TRPM3: variants seen among roughly 807,000 people sequenced by gnomAD.
TRPM3 encodes the protein long transient receptor potential channel 3.
TRPM3 carries 77 observed loss-of-function variants against 181.2 expected under a neutral mutation model. The observed-to-expected ratio is 0.42, with a 90% CI of 0.35 to 0.51. The LOEUF is 0.51. Among genes scored for constraint, TRPM3 ranks in the 20% least tolerant of loss-of-function variants. The pLI is 0.01. For missense variants in TRPM3, 1,759 were observed against 2,196.7 expected, an observed-to-expected ratio of 0.80 and a Z score of 3.98; for synonymous variants, 745 against 796.4, an observed-to-expected ratio of 0.94 and a Z score of 1.09.
At chr9:71,372,138 C>A (rs1279004535) in intron 1 of TRPM3, among the ~76,000 whole-genome samples, 1 of 152,140 alleles carries the variant, frequency 6.6e-6, no homozygotes, top group East Asian at 1.9e-4. Context: ...CCATCCATGT[C>A]CCTGCAAAGG....
At chr9:70,780,008 G>C (rs2082157858) in intron 7 of TRPM3, among the ~76,000 whole-genome samples, 1 of 152,140 alleles carries the variant, frequency 6.6e-6, no homozygotes, top group South Asian at 2.1e-4. Context: ...AACCCATTTG[G>C]ATTGTGATAG....
At chr9:71,069,608 C>CT (rs71367252) in intron 1 of TRPM3, among the ~76,000 whole-genome samples, 3,166 of 126,634 alleles carry the variant, frequency 0.025, 55 homozygotes, top group African/African-American at 0.045. Context: ...TTCCTTTTTT[C>CT]TTTTTTTTTT....
At chr9:70,979,194 A>G (rs2134000538) in intron 1 of TRPM3, among the ~76,000 whole-genome samples, 1 of 152,216 alleles carries the variant, frequency 6.6e-6, no homozygotes, top group Non-Finnish European at 1.5e-5. Context: ...GGTTCTCCTT[A>G]TCCCGTTACA....
At chr9:71,029,225 T>C (rs1243126735) in intron 1 of TRPM3, among the ~76,000 whole-genome samples, 1 of 152,224 alleles carries the variant, frequency 6.6e-6, no homozygotes, top group Admixed American at 6.5e-5. Flanking sequence ...TTTTTATCAC[T>C]ATCCAAATTC....
At chr9:71,007,081 A>T (rs2097686897) in intron 1 of TRPM3, among the ~76,000 whole-genome samples, 2 of 130,922 alleles carry the variant, frequency 1.5e-5, no homozygotes, top group Non-Finnish European at 3.3e-5. Context: ...AAAAAAGACT[A>T]AGTCAGGAAC....
intron 1 of TRPM3, among the ~76,000 whole-genome samples, chr9:71,429,710 C>T (rs1041250655): frequency 7.2e-5 from 11 of 152,184 alleles, no homozygotes; most frequent in African/African-American, 2.7e-4. Context: ...CCTAATCTTT[C>T]CCTAAGTGTT....
chr9:70,980,831 C>A (rs1251822587), intron 1 of TRPM3, among the ~76,000 whole-genome samples: 1 of 152,206 alleles, frequency 6.6e-6, no homozygotes. Context: ...TTCGCCTCAT[C>A]TTCCAAGCTT....
chr9:71,013,369 A>G (rs1374721864), intron 1 of TRPM3, among the ~76,000 whole-genome samples: 3 of 152,062 alleles, frequency 2.0e-5, no homozygotes, highest in African/African-American at 7.2e-5. Flanking sequence ...ACATCTATAT[A>G]TGAGACCAGG....
At chr9:71,339,077 C>T (rs1158286516) in intron 1 of TRPM3, among the ~76,000 whole-genome samples, 7 of 151,928 alleles carry the variant, frequency 4.6e-5, no homozygotes, top group Admixed American at 4.6e-4. Flanking sequence ...CAGAGTAAGA[C>T]AAAATGCAAG....
intron 1 of TRPM3, among the ~76,000 whole-genome samples, chr9:71,110,701 G>A (rs2070878635): frequency 1.3e-5 from 2 of 152,096 alleles, no homozygotes; most frequent in South Asian, 4.1e-4. Flanking sequence ...CTTATTCTAG[G>A]TAACTCAGCT....
chr9:70,992,896 C>T (rs1370801521), intron 1 of TRPM3, among the ~76,000 whole-genome samples: 1 of 152,060 alleles, frequency 6.6e-6, no homozygotes, highest in Non-Finnish European at 1.5e-5. Context: ...TATTACCTTC[C>T]TTTGAGGAGG....
Position 71,281,681 on chromosome 9 carries a change from A to G in TRPM3, c.183+164972T>C, listed in dbSNP as rs116358116. 8.8e-3 allele frequency among the ~76,000 whole-genome samples: 1,340 copies of G among 152,290 alleles called. 28 individuals carry two copies. Among genetic ancestry groups the G allele is most frequent in the African/African-American group, 0.031 (1,281 of 41,540 alleles). On this transcript the variant is annotated intron_variant, in intron 1 of 24. Transcript: ENST00000357533. ...TGCTGGATTCCTAAGCAATCATATTAATTTCTTATTAAATTCATAAAAATT... is the reference window on the plus strand; with the variant it reads ...TGCTGGATTCCTAAGCAATCATATTGATTTCTTATTAAATTCATAAAAATT...
At chr9:71,255,061 C>T (rs1228644070) in intron 1 of TRPM3, among the ~76,000 whole-genome samples, 2 of 152,142 alleles carry the variant, frequency 1.3e-5, no homozygotes, top group Admixed American at 6.5e-5. Flanking sequence ...AACTTAGCCA[C>T]AAAGGGATTT....
intron 1 of TRPM3, among the ~76,000 whole-genome samples, chr9:71,106,377 A>G (rs1358520525): frequency 6.6e-6 from 1 of 152,030 alleles, no homozygotes; most frequent in Non-Finnish European, 1.5e-5. Flanking sequence ...TGCCCTCCCC[A>G]TGGTAATGAG....
chr9:71,021,933 T>C (rs150588326), intron 1 of TRPM3, among the ~76,000 whole-genome samples: 217 of 152,172 alleles, frequency 1.4e-3, no homozygotes, highest in African/African-American at 4.9e-3. Context: ...GAGAGATAAA[T>C]AGGCAAAAAA....
At chr9:70,932,125 T>G (rs1241469173) in intron 1 of TRPM3, among the ~76,000 whole-genome samples, 1 of 152,166 alleles carries the variant, frequency 6.6e-6, no homozygotes, top group Non-Finnish European at 1.5e-5. Flanking sequence ...ATTTGATGAC[T>G]CTAGGATTAG....
chr9:70,935,274 CCAGT>C (rs1228002331), intron 1 of TRPM3, among the ~76,000 whole-genome samples: 6 of 152,100 alleles, frequency 3.9e-5, no homozygotes, highest in Non-Finnish European at 8.8e-5. Context: ...AATGAGTCTG[CCAGT>C]CAGTTTGTCT....
intron 1 of TRPM3, among the ~76,000 whole-genome samples, chr9:71,368,660 A>G (rs572999294): frequency 4.7e-4 from 72 of 152,340 alleles, no homozygotes; most frequent in African/African-American, 1.7e-3. Flanking sequence ...AGCTTTAATG[A>G]TTTACTAGTC....
chr9:70,866,816 CTG>C (rs1451905415), intron 1 of TRPM3, among the ~76,000 whole-genome samples: 6 of 151,990 alleles, frequency 3.9e-5, no homozygotes, highest in African/African-American at 9.7e-5. Context: ...CTGGCTTTAT[CTG>C]ACTCTGTGAG....
Sources: gnomAD v4.1 joint callset for allele counts (sites outside exome capture counted in the v4.1 genomes callset) on GRCh38, gnomAD v4.1.1 for gene constraint, MANE v1.5 for transcripts, NCBI Gene and HGNC (gene_info 2026-07-23, HGNC 2026-07-21) for gene names.